Variants in RSF1 observed in about 807,000 individuals in gnomAD.
RSF1 encodes HBV pX-associated protein 8.
Under a neutral mutation model 145.2 loss-of-function variants are expected in RSF1, and 13 were observed. That is an observed-to-expected ratio of 0.09 (90% CI 0.06 to 0.14). RSF1 has a LOEUF of 0.14. RSF1 is among the 10% of genes least tolerant of loss of function. The probability of loss-of-function intolerance (pLI) is 1.00; values close to 1 mark genes in which losing one functional copy is unlikely to be tolerated. For synonymous variants in RSF1, 577 were observed against 592.6 expected (o/e 0.97, Z 0.38); for missense variants, 1,517 against 1,718.2 (o/e 0.88, Z 2.07).
intron 2 of RSF1, among the ~76,000 whole-genome samples, chr11:77,749,179 T>C (rs1282202525): frequency 2.0e-5 from 3 of 152,170 alleles, no homozygotes; most frequent in African/African-American, 7.2e-5. Flanking sequence ...TGACTGCTGA[T>C]GGGTAGGCAA....
Position 77,717,144 on chromosome 11 carries a change from C to T in RSF1, c.733+8401G>A, listed in dbSNP as rs1228705596. The stretch of plus-strand genomic sequence containing the variant: ...AGTGAGCCAAGATCGCACCACTGTA[C>T]CCCAGCATGGGCAAAAAAAAAACAA... On this transcript the variant is annotated intron_variant, in intron 5 of 15. Transcript: ENST00000308488. Among the ~76,000 whole-genome samples, 5 of 145,938 alleles carry T rather than the reference C, an allele frequency of 3.4e-5. No homozygotes were observed. In the Admixed American group the frequency reaches 3.5e-4, roughly 10 times the overall value.
chr11:77,754,927 C>T (rs555195946), intron 2 of RSF1, among the ~76,000 whole-genome samples: 18 of 152,186 alleles, frequency 1.2e-4, no homozygotes, highest in Non-Finnish European at 1.9e-4. Flanking sequence ...CAAGATCTTG[C>T]CACTGCACTC....
At chr11:77,764,027 G>T (rs1948201743) in intron 2 of RSF1, 2 of 152,192 alleles carry the variant, frequency 1.3e-5, no homozygotes, top group Admixed American at 1.3e-4. Flanking sequence ...TCAGTCAGTA[G>T]ATTCTCATAA....
At chr11:77,814,212 T>G (rs1317883843) in intron 1 of RSF1, among the ~76,000 whole-genome samples, 1 of 71,196 alleles carries the variant, frequency 1.4e-5, no homozygotes. Flanking sequence ...AAAAAAAAAG[T>G]TTTGGCCACA....
At chr11:77,832,482 A>G in the RSF1 span, among the ~76,000 whole-genome samples, 1 of 151,860 alleles carries the variant, frequency 6.6e-6, no homozygotes, top group African/African-American at 2.4e-5. Context: ...ATGCGCCACC[A>G]TGCCCACCTA....
At chr11:77,761,542 GT>G (rs1351806722) in intron 2 of RSF1, among the ~76,000 whole-genome samples, 1 of 152,192 alleles carries the variant, frequency 6.6e-6, no homozygotes, top group African/African-American at 2.4e-5. Context: ...GGCAGTAGAA[GT>G]AGAGGTGCAG....
At position 77,677,175 on chromosome 11, in the gene RSF1, C is replaced by T. The variant is rs529087489; in HGVS notation, c.3134-176G>A. The T allele has an allele frequency of 1.1e-4, 68 of 599,908 alleles. No homozygotes were observed. The African/African-American group carries it at 1.2e-3, about 10-fold the overall frequency. The allele number at this position is 599,908 out of a possible 1,614,324, so 37.2% of individuals were successfully genotyped here. A position where few individuals can be genotyped will look rare whatever the true frequency, so the allele number is the denominator to read the frequency against. On this transcript the variant is annotated intron_variant, in intron 12 of 15. Transcript: ENST00000308488. The stretch of plus-strand genomic sequence containing the variant: ...GCTGACAGAGGTCTCAGAGTTTTAG[C>T]ATTCGTTTACCCTACTGAAGAGAAG...
intron 11 of RSF1, among the ~76,000 whole-genome samples, chr11:77,680,961 A>C (rs1158275837): frequency 1.3e-5 from 2 of 152,196 alleles, no homozygotes; most frequent in Non-Finnish European, 2.9e-5. Flanking sequence ...TCTTTGAGTG[A>C]CTACTTTCTT....
intron 4 of RSF1, among the ~76,000 whole-genome samples, chr11:77,729,783 C>A (rs1405860995): frequency 1.3e-5 from 2 of 148,970 alleles, no homozygotes; most frequent in Non-Finnish European, 3.0e-5. Context: ...ATCTACAGAG[C>A]ATAAAACAGT....
intron 1 of RSF1, among the ~76,000 whole-genome samples, chr11:77,775,235 C>T (rs1398544918): frequency 6.7e-6 from 1 of 148,154 alleles, no homozygotes; most frequent in African/African-American, 2.5e-5. Context: ...GGGACAACAG[C>T]GAGACTCCAT....
At chr11:77,827,881 A>G in the RSF1 span, among the ~76,000 whole-genome samples, 2 of 152,218 alleles carry the variant, frequency 1.3e-5, no homozygotes, top group African/African-American at 4.8e-5. Context: ...AGAATCCACA[A>G]ATAAAGCTAT....
At chr11:77,832,975 GTGTGTGTGTGTGT>G in the RSF1 span, among the ~76,000 whole-genome samples, 1 of 65,066 alleles carries the variant, frequency 1.5e-5, no homozygotes, top group Non-Finnish European at 2.8e-5. Flanking sequence ...GTGTGTGTGT[GTGTGTGTGTGTGT>G]GTGTGTGTGT....
At chr11:77,835,271 C>G in the RSF1 span, among the ~76,000 whole-genome samples, 2 of 152,126 alleles carry the variant, frequency 1.3e-5, no homozygotes, top group Non-Finnish European at 2.9e-5. Flanking sequence ...TATTCTGTTG[C>G]TTGGAACATG....
chr11:77,763,922 G>GT (rs918384303), intron 2 of RSF1: 3 of 151,722 alleles, frequency 2.0e-5, no homozygotes, highest in African/African-American at 7.3e-5. Flanking sequence ...GGGGTGGTGG[G>GT]TGGGAGGGAG....
chr11:77,735,050 G>A (rs571223502), intron 4 of RSF1: 49 of 1,347,528 alleles, frequency 3.6e-5, no homozygotes, highest in Non-Finnish European at 4.9e-5. Context: ...GAGAGGTGGC[G>A]GCGGTGGCAG....
intron 4 of RSF1, among the ~76,000 whole-genome samples, chr11:77,733,052 T>C (rs1322516548): frequency 1.3e-5 from 2 of 152,226 alleles, no homozygotes; most frequent in African/African-American, 4.8e-5. Context: ...TACAAGGCTT[T>C]TTGTAAACAT....
intron 9 of RSF1, among the ~76,000 whole-genome samples, chr11:77,689,301 T>C (rs1158889576): frequency 6.6e-6 from 1 of 152,200 alleles, no homozygotes; most frequent in Non-Finnish European, 1.5e-5. Flanking sequence ...TATACTTACA[T>C]ATGTCTCCTT....
At chr11:77,700,073 C>T (rs1013045243) in intron 6 of RSF1, among the ~76,000 whole-genome samples, 17 of 151,992 alleles carry the variant, frequency 1.1e-4, no homozygotes, top group Admixed American at 5.9e-4. Context: ...GACTGGAGGG[C>T]CAGGCACGGT....
the RSF1 span, among the ~76,000 whole-genome samples, chr11:77,846,423 A>G: frequency 6.6e-6 from 1 of 152,220 alleles, no homozygotes; most frequent in Admixed American, 6.5e-5. Flanking sequence ...GATTGATACC[A>G]TCCTGGCCAA....
Sources: gnomAD v4.1 joint callset for allele counts (sites outside exome capture counted in the v4.1 genomes callset) on GRCh38, gnomAD v4.1.1 for gene constraint, MANE v1.5 for transcripts, NCBI Gene and HGNC (gene_info 2026-07-23, HGNC 2026-07-21) for gene names.